Variants in STRAP observed in about 807,000 individuals in gnomAD.
STRAP encodes serine/threonine kinase receptor associated protein.
STRAP carries 16 observed loss-of-function variants against 47.0 expected under a neutral mutation model. That is an observed-to-expected ratio of 0.34 (90% CI 0.23 to 0.52). The LOEUF (loss-of-function observed/expected upper bound fraction) is 0.52. Ranked by LOEUF, STRAP falls within the 20% of genes least tolerant of loss-of-function variation. The probability of loss-of-function intolerance (pLI) is 0.96; values close to 1 mark genes in which losing one functional copy is unlikely to be tolerated. For synonymous variants in STRAP, 130 were observed against 142.7 expected (o/e 0.91, Z 0.63); for missense variants, 293 against 420.0 (o/e 0.70, Z 2.64).
rs527616375 is a variant in STRAP at position 15,894,647 on chromosome 12, C to T, written c.500+504C>T. On this transcript the variant is annotated intron_variant, in intron 5 of 9. Coordinates refer to ENST00000419869, the MANE Select transcript of STRAP (RefSeq NM_007178.4). This position sits in a 1 kb window ranked among gnomAD's most constrained non-coding sequence, Gnocchi z 4.9. ...TAACCTGAAAATCTGAAATTTGAAACGCTCTGAAATCTGAGACTTTGAGTG... is the reference window on the plus strand; with the variant it reads ...TAACCTGAAAATCTGAAATTTGAAATGCTCTGAAATCTGAGACTTTGAGTG... 2.0e-5 allele frequency among the ~76,000 whole-genome samples: 3 copies of T among 152,214 alleles called. No homozygotes were observed. Among genetic ancestry groups the T allele is most frequent in the South Asian group, 4.1e-4 (2 of 4,824 alleles).
At chr12:15,895,295 A>C (rs1308872176) in intron 5 of STRAP, 64 bp from the exon 6 acceptor site, 2 of 1,258,000 alleles carry the variant, frequency 1.6e-6, no homozygotes, top group Admixed American at 2.9e-5. Context: ...CTGCAGATGT[A>C]ATTAGAATTT....
chr12:15,892,208 G>A (rs1948021707), intron 4 of STRAP, among the ~76,000 whole-genome samples: 1 of 151,778 alleles, frequency 6.6e-6, no homozygotes, highest in Non-Finnish European at 1.5e-5. Flanking sequence ...TTTATCTGTT[G>A]TGTTATTCAT....
chr12:15,897,919 A>G lies in STRAP; in HGVS notation c.676A>G (p.Ile226Val). The G allele has an allele frequency of 6.3e-7, 1 of 1,585,860 alleles. No individual in the cohort carries two copies. The highest frequency in any genetic ancestry group is 1.2e-5 in the South Asian group (1 of 85,596). The change falls in exon 7 of 10, where the codon ATC becomes GTC. Residue 226 changes from isoleucine (I) to valine (V), a missense_variant. Ile to Val is a conservative substitution (Grantham distance 29). Around this residue, in one of 5 missense-constraint regions of STRAP, gnomAD observed 152 missense variants for 183.0 expected, o/e 0.83. Coordinates refer to ENST00000419869, the MANE Select transcript of STRAP (RefSeq NM_007178.4). ...PIKSFEAPAT[I>V]NSASLHPEKE... ...TAAATCCTTTGAAGCTCCTGCAACC[A>G]TCAATTCTGCATCTCTTCATCCTGA...
At chr12:15,902,294 G>GT (rs1222202447) in intron 9 of STRAP, among the ~76,000 whole-genome samples, 3 of 152,038 alleles carry the variant, frequency 2.0e-5, no homozygotes, top group Admixed American at 2.0e-4. Context: ...TTTAATAAGG[G>GT]TATTGCAATG....
In STRAP at chr12:15,883,653, T is replaced by C; in HGVS notation, c.225T>C (p.Ala75=). ...TGAATAAGGATGCCACCAAAGCAGC[T>C]ACAGCAGCTGCAGATTTCACAGCGT... ...ATLNKDATKA[A]TAAADFTAKV... Residue 75 remains alanine, a synonymous_variant, in exon 2 of 10, where the codon GCT becomes GCC. Coordinates refer to ENST00000419869, the MANE Select transcript of STRAP (RefSeq NM_007178.4). The C allele has an allele frequency of 6.2e-7, 1 of 1,614,238 alleles. No individual in the cohort carries two copies. The highest frequency in any genetic ancestry group is 8.5e-7 in the Non-Finnish European group (1 of 1,180,036).
chr12:15,900,067 T>C lies in STRAP; in HGVS notation c.925+14T>C, dbSNP rs1174259874. The C allele has an allele frequency of 6.3e-7, 1 of 1,596,522 alleles. No individual in the cohort carries two copies. The highest frequency in any genetic ancestry group is 1.8e-5 in the Admixed American group (1 of 55,756). On this transcript the variant is annotated intron_variant, in intron 8 of 9. Coordinates refer to ENST00000419869, the MANE Select transcript of STRAP (RefSeq NM_007178.4). ...GTGTGCTTCCTGGTAAGAATTTTTA[T>C]TCAGAATAATAAAATTTTTAAAATG...
intron 6 of STRAP, 87 bp downstream of exon 6, chr12:15,895,583 TAAAA>T: frequency 6.9e-7 from 1 of 1,451,778 alleles, no homozygotes; most frequent in Non-Finnish European, 9.3e-7. Context: ...TTACTTTTTT[TAAAA>T]GTAAAGAGGC....
At chr12:15,901,228 A>G (rs772723709) in intron 9 of STRAP, among the ~76,000 whole-genome samples, 32 of 152,216 alleles carry the variant, frequency 2.1e-4, no homozygotes, top group Non-Finnish European at 3.2e-4. Flanking sequence ...TGTAGTATGG[A>G]CACAACCGAT....
rs570602130 is a variant in STRAP, at chr12:15,894,195, C to G, written c.500+52C>G. ...CAATTTAAGGCCGGGCATGGTGGCT[C>G]ACGCCTATAATCTCAGCACTTTGGG... is the stretch of plus-strand genomic sequence containing the variant. On this transcript the variant is annotated intron_variant, in intron 5 of 9. Transcript: ENST00000419869. This position sits in a 1 kb window ranked among gnomAD's most constrained non-coding sequence, Gnocchi z 4.9. The G allele has an allele frequency of 1.4e-6, 2 of 1,457,584 alleles. No individual in the cohort carries two copies. The highest frequency in any genetic ancestry group is 2.8e-5 in the African/African-American group (2 of 71,384). The allele number at this position is 1,457,584 out of a possible 1,614,324, so 90.3% of individuals were successfully genotyped here.
At position 15,889,997 on chromosome 12, in the gene STRAP, G is replaced by A; in HGVS notation, c.318G>A (p.Val106=). ...CTCATAAACACATTGTCAAGACTGT[G>A]GATTTCACGCAGGTATCAGAAAATG... ...TLAHKHIVKT[V]DFTQDSNYLL... is the part of the protein sequence containing the mutation. The change falls in exon 3 of 10, where the codon GTG becomes GTA. Residue 106 remains valine, a synonymous_variant. Transcript: ENST00000419869. 6.2e-7 allele frequency: 1 copy of A among 1,613,528 alleles called. No homozygotes were observed. The highest frequency in any genetic ancestry group is 8.5e-7 in the Non-Finnish European group (1 of 1,179,640).
At chr12:15,886,392 T>C (rs533809318) in intron 2 of STRAP, among the ~76,000 whole-genome samples, 1 of 152,200 alleles carries the variant, frequency 6.6e-6, no homozygotes, top group South Asian at 2.1e-4. Context: ...CACCATGTTG[T>C]CCAGGTTGGT....
chr12:15,895,888 A>G (rs934692989), intron 6 of STRAP, among the ~76,000 whole-genome samples: 4 of 151,320 alleles, frequency 2.6e-5, no homozygotes, highest in African/African-American at 9.7e-5. Context: ...AAAAAGCAAA[A>G]ACTACTGAAA....
At chr12:15,885,205 T>TTTTTTTA (rs1257112484) in intron 2 of STRAP, among the ~76,000 whole-genome samples, 1 of 145,006 alleles carries the variant, frequency 6.9e-6, no homozygotes, top group African/African-American at 2.6e-5. Context: ...TTTTTTTTTT[T>TTTTTTTA]AAAGACAGAG....
In STRAP at chr12:15,890,510, G is replaced by A; in HGVS notation, c.331-87G>A. 5.4e-6 allele frequency: 6 copies of A among 1,115,590 alleles called. No homozygotes were observed. The highest frequency in any genetic ancestry group is 8.1e-6 in the Non-Finnish European group (6 of 744,254). 69.1% of individuals were successfully genotyped at this position (1,115,590 alleles called of 1,614,324 possible). On this transcript the variant is annotated intron_variant, in intron 3 of 9. Transcript: ENST00000419869. This position sits in a 1 kb window ranked among gnomAD's most constrained non-coding sequence, Gnocchi z 4.5. ...ATCTCTTTGTGATGTCTGTGAGCTA[G>A]ATTTTGATTTTATTTGGTGTTGAAA...
At position 15,883,675 on chromosome 12, in the gene STRAP, G is replaced by A; in HGVS notation, c.247G>A (p.Ala83Thr). 1 of 1,614,052 alleles carries A rather than the reference G, an allele frequency of 6.2e-7. No homozygotes were observed. Among genetic ancestry groups the A allele is most frequent in the Non-Finnish European group, 8.5e-7 (1 of 1,179,998 alleles). The change falls in exon 2 of 10, where the codon GCC becomes ACC. Residue 83 changes from alanine to threonine, a missense_variant and splice_region_variant. By Grantham distance (58) the Ala-to-Thr change is moderately conservative. Coordinates refer to ENST00000419869, the MANE Select transcript of STRAP (RefSeq NM_007178.4). ...AGCTACAGCAGCTGCAGATTTCACA[G>A]CGTAAGTGTAGCCAAGATGGCTAAC... ...KAATAAADFT[A>T]KVWDAVSGDE...
intron 2 of STRAP, among the ~76,000 whole-genome samples, chr12:15,884,817 T>G (rs1481858490): frequency 6.6e-6 from 1 of 152,232 alleles, no homozygotes; most frequent in Non-Finnish European, 1.5e-5. Context: ...ATTGCTGACC[T>G]AAAGGACACA....
intron 2 of STRAP, among the ~76,000 whole-genome samples, chr12:15,886,993 C>G (rs967083416): frequency 6.6e-6 from 1 of 152,100 alleles, no homozygotes; most frequent in Non-Finnish European, 1.5e-5. Flanking sequence ...GCTGTGCTCC[C>G]AAGAGGGCTT....
At chr12:15,885,712 A>G (rs1037930358) in intron 2 of STRAP, among the ~76,000 whole-genome samples, 1 of 152,130 alleles carries the variant, frequency 6.6e-6, no homozygotes, top group African/African-American at 2.4e-5. Flanking sequence ...CAAGTGGTGT[A>G]TTAAGAGCAT....
chr12:15,885,486 G>A (rs969288892), intron 2 of STRAP, among the ~76,000 whole-genome samples: 20 of 96,316 alleles, frequency 2.1e-4, no homozygotes, highest in Middle Eastern at 4.8e-3. Context: ...ACCGTGCCTG[G>A]CCTTTTTTTT....
Sources: gnomAD v4.1 joint callset for allele counts (sites outside exome capture counted in the v4.1 genomes callset) on GRCh38, gnomAD v4.1.1 for gene constraint, gnomAD v4.1.1 regional missense constraint, Gnocchi (gnomAD v3.1) non-coding constraint, MANE v1.5 for transcripts, NCBI Gene and HGNC (gene_info 2026-07-23, HGNC 2026-07-21) for gene names.